LMNB1: variants seen among roughly 807,000 people sequenced by gnomAD.
LMNB1 encodes lamin-B1.
Under a neutral mutation model 67.1 loss-of-function variants are expected in LMNB1, and 23 were observed. The observed-to-expected ratio is 0.34, with a 90% CI of 0.25 to 0.49. The LOEUF is 0.49. Among genes scored for constraint, LMNB1 ranks in the 20% least tolerant of loss-of-function variants. LMNB1 has a pLI of 0.99. For synonymous variants in LMNB1, 281 were observed against 282.9 expected, an observed-to-expected ratio of 0.99 and a Z score of 0.07; for missense variants, 634 against 746.5, an observed-to-expected ratio of 0.85 and a Z score of 1.76.
chr5:126,787,547 T>TATATACA (rs869071732), intron 1 of LMNB1, among the ~76,000 whole-genome samples: 11 of 37,502 alleles, frequency 2.9e-4, no homozygotes, highest in African/African-American at 9.1e-4. Context: ...TATATATATA[T>TATATACA]TTTTTTTTTT....
chr5:126,813,465 A>G (rs1243292651), intron 5 of LMNB1, among the ~76,000 whole-genome samples: 1 of 152,222 alleles, frequency 6.6e-6, no homozygotes, highest in Non-Finnish European at 1.5e-5. Flanking sequence ...ATTTACTTTT[A>G]GAAATTTAAC....
In LMNB1 at chr5:126,777,183, C is replaced by T. The variant is rs952463267; in HGVS notation, c.-326C>T. On this transcript the variant is annotated 5_prime_UTR_variant, in exon 1 of 11. Transcript: ENST00000261366. Reference sequence around the variant, plus strand: ...ACAAAGTGCTGCGAGCAGGAGACGGCGGCGGCGCGAACCCTGCTGGGCCTC... The same window carrying T: ...ACAAAGTGCTGCGAGCAGGAGACGGTGGCGGCGCGAACCCTGCTGGGCCTC... 13 of 228,828 alleles carry T rather than the reference C, an allele frequency of 5.7e-5. No homozygotes were observed. Among genetic ancestry groups the T allele is most frequent in the Non-Finnish European group, 1.1e-4 (13 of 118,720 alleles). 14.2% of individuals were successfully genotyped at this position (228,828 alleles called of 1,614,324 possible). A position where few individuals can be genotyped will look rare whatever the true frequency, so the allele number is the denominator to read the frequency against.
intron 1 of LMNB1, among the ~76,000 whole-genome samples, chr5:126,796,130 C>G (rs544258274): frequency 2.2e-4 from 34 of 151,818 alleles, no homozygotes; most frequent in Non-Finnish European, 4.3e-4. Context: ...CAGGGTTTCT[C>G]TGTGTTGAGG....
chr5:126,784,198 A>T (rs1425115616), intron 1 of LMNB1, among the ~76,000 whole-genome samples: 1 of 134,940 alleles, frequency 7.4e-6, no homozygotes, highest in African/African-American at 2.8e-5. Flanking sequence ...CTGATTTTGT[A>T]TTTTTTTTTT....
chr5:126,822,699 C>A, intron 7 of LMNB1, 82 bp from the exon 8 acceptor site: 1 of 809,384 alleles, frequency 1.2e-6, no homozygotes, highest in South Asian at 1.6e-5. Flanking sequence ...GTTTAACTGC[C>A]TGTATGGATT....
At chr5:126,832,247 G>A (rs921124260) in intron 9 of LMNB1, among the ~76,000 whole-genome samples, 9 of 152,142 alleles carry the variant, frequency 5.9e-5, no homozygotes, top group East Asian at 3.8e-4. Context: ...CAGCCTGGGC[G>A]ACAGAGTGAG....
intron 1 of LMNB1, among the ~76,000 whole-genome samples, chr5:126,781,312 A>G (rs1344101468): frequency 6.6e-6 from 1 of 152,144 alleles, no homozygotes; most frequent in Non-Finnish European, 1.5e-5. Context: ...GTTGAAGAAC[A>G]TCCTTAAGTA....
intron 1 of LMNB1, among the ~76,000 whole-genome samples, chr5:126,778,798 A>G (rs757299732): frequency 9.2e-5 from 14 of 152,152 alleles, no homozygotes; most frequent in Non-Finnish European, 1.6e-4. Flanking sequence ...CTGTGCAGAT[A>G]GTAGACCAGG....
At chr5:126,834,037 C>CTGCA (rs1212228037) in intron 10 of LMNB1, among the ~76,000 whole-genome samples, 1 of 152,184 alleles carries the variant, frequency 6.6e-6, no homozygotes, top group Non-Finnish European at 1.5e-5. Flanking sequence ...GTTCCACATG[C>CTGCA]TGCAGACTGA....
intron 1 of LMNB1, among the ~76,000 whole-genome samples, chr5:126,785,507 G>C (rs1165692956): frequency 7.0e-6 from 1 of 142,580 alleles, no homozygotes; most frequent in Non-Finnish European, 1.5e-5. Flanking sequence ...TTTTAGTAGA[G>C]ACGAGGTTTC....
At chr5:126,796,750 T>A (rs141039771) in intron 1 of LMNB1, among the ~76,000 whole-genome samples, 2 of 152,054 alleles carry the variant, frequency 1.3e-5, no homozygotes, top group Non-Finnish European at 1.5e-5. Context: ...ATATATCCTT[T>A]CTAGCTAATT....
chr5:126,792,567 ATTTT>A (rs752371260), intron 1 of LMNB1, among the ~76,000 whole-genome samples: 1 of 99,152 alleles, frequency 1.0e-5, no homozygotes, highest in African/African-American at 4.2e-5. Flanking sequence ...AGCACTAGGG[ATTTT>A]TTTTTTTTTT....
At chr5:126,791,470 T>G (rs1465790121) in intron 1 of LMNB1, among the ~76,000 whole-genome samples, 1 of 152,032 alleles carries the variant, frequency 6.6e-6, no homozygotes, top group Non-Finnish European at 1.5e-5. Context: ...TTCTGTCTCT[T>G]TTTTTTAAAG....
In LMNB1 at chr5:126,836,768, A is replaced by C; in HGVS notation, c.*504A>C. The C allele has an allele frequency of 2.5e-6, 1 of 396,018 alleles. No homozygotes were observed. Among genetic ancestry groups the C allele is most frequent in the Non-Finnish European group, 4.4e-6 (1 of 224,828 alleles). The allele number at this position is 396,018 out of a possible 1,614,324, so 24.5% of individuals were successfully genotyped here. ...GCAATCAAGGTTATAATTTTTTTTA[A>C]AATAGAAATTTTGTAAGAAGGCAAT... On this transcript the variant is annotated 3_prime_UTR_variant, in exon 11 of 11. Coordinates refer to ENST00000261366, the MANE Select transcript of LMNB1 (RefSeq NM_005573.4).
At chr5:126,810,471 T>G (rs1751555390) in intron 4 of LMNB1, 121 bp downstream of exon 4, 1 of 713,672 alleles carries the variant, frequency 1.4e-6, no homozygotes, top group Non-Finnish European at 2.1e-6. Flanking sequence ...CTAGTCTCCA[T>G]GAAATATATA....
chr5:126,816,176 GAT>G (rs1483671146), intron 5 of LMNB1, among the ~76,000 whole-genome samples: 2 of 151,998 alleles, frequency 1.3e-5, no homozygotes, highest in Non-Finnish European at 2.9e-5. Flanking sequence ...TTTATAGCAT[GAT>G]TTTTGCAAAC....
intron 9 of LMNB1, among the ~76,000 whole-genome samples, chr5:126,829,002 C>T (rs1187535822): frequency 1.3e-5 from 2 of 151,962 alleles, no homozygotes; most frequent in African/African-American, 4.8e-5. Flanking sequence ...GGCATTTATT[C>T]ATTTAATTCG....
chr5:126,832,785 A>T lies in LMNB1; in HGVS notation c.1703A>T (p.Glu568Val). 4 of 1,605,476 alleles carry T rather than the reference A, an allele frequency of 2.5e-6. No individual in the cohort carries two copies. Among genetic ancestry groups the T allele is most frequent in the Non-Finnish European group, 3.4e-6 (4 of 1,173,806 alleles). Reference sequence around the variant, plus strand: ...GCAGCTGGAGTGGTTGTTGAGGAAGAACTTTTCCACCAGCAGGTATTACTT... The same window carrying T: ...GCAGCTGGAGTGGTTGTTGAGGAAGTACTTTTCCACCAGCAGGTATTACTT... ...EEAAGVVVEE[E>V]LFHQQGTPRA... The change falls in exon 10 of 11, where the codon GAA becomes GTA. Residue 568 changes from glutamate to valine, a missense_variant. Coordinates refer to ENST00000261366, the MANE Select transcript of LMNB1 (RefSeq NM_005573.4).
At chr5:126,811,990 C>T in intron 5 of LMNB1, 92 bp downstream of exon 5, 3 of 1,275,768 alleles carry the variant, frequency 2.4e-6, no homozygotes, top group Non-Finnish European at 3.3e-6. Flanking sequence ...GTCACTCCTC[C>T]CTCTGTTTGT....
Sources: gnomAD v4.1 joint callset for allele counts (sites outside exome capture counted in the v4.1 genomes callset) on GRCh38, gnomAD v4.1.1 for gene constraint, MANE v1.5 for transcripts, NCBI Gene and HGNC (gene_info 2026-07-23, HGNC 2026-07-21) for gene names.